The following ANO3 variants were observed in gnomAD, a reference collection of about 807,000 sequenced individuals.
The protein encoded by ANO3 is anoctamin 3, also known as anoctamin-3.
ANO3 carries 99 observed loss-of-function variants against 144.8 expected under a neutral mutation model. The ratio of observed to expected loss-of-function variants is 0.68; its 90% CI spans 0.58 to 0.81. ANO3 has a LOEUF of 0.81. Among genes scored for constraint, ANO3 ranks in the 30% least tolerant of loss-of-function variants. The probability of loss-of-function intolerance (pLI) is 0.00; values close to 1 mark genes in which losing one functional copy is unlikely to be tolerated. For synonymous variants in ANO3, 414 were observed against 392.6 expected (o/e 1.05, Z -0.64); for missense variants, 905 against 1,202.2 (o/e 0.75, Z 3.66).
chr11:26,251,700 G>T (rs1041097461), intron 1 of ANO3, among the ~76,000 whole-genome samples: 1 of 152,158 alleles, frequency 6.6e-6, no homozygotes, highest in Non-Finnish European at 1.5e-5. Context: ...TGGCTGGGGA[G>T]GCCTCAGGAA....
At chr11:26,399,629 A>G (rs1857098358) in intron 1 of ANO3, among the ~76,000 whole-genome samples, 1 of 151,876 alleles carries the variant, frequency 6.6e-6, no homozygotes, top group Non-Finnish European at 1.5e-5. Flanking sequence ...CTTTGGGTAA[A>G]TTATTTTCTC....
At chr11:26,497,088 C>T (rs768733595) in intron 4 of ANO3, among the ~76,000 whole-genome samples, 3 of 147,912 alleles carry the variant, frequency 2.0e-5, no homozygotes, top group Non-Finnish European at 4.5e-5. Flanking sequence ...ACACACAAAC[C>T]TATATATATT....
At chr11:26,266,951 G>A (rs1368981612) in intron 1 of ANO3, among the ~76,000 whole-genome samples, 1 of 151,246 alleles carries the variant, frequency 6.6e-6, no homozygotes, top group Non-Finnish European at 1.5e-5. Flanking sequence ...AATTAGCCAG[G>A]CGTGGTGGTG....
intron 1 of ANO3, among the ~76,000 whole-genome samples, chr11:26,284,018 TG>T (rs1422617742): frequency 3.3e-5 from 5 of 152,118 alleles, no homozygotes; most frequent in African/African-American, 9.7e-5. Context: ...GGAACTGTGC[TG>T]GGGCGGGTGT....
In ANO3 at chr11:26,531,283, C is replaced by A. The variant is rs1320614333; in HGVS notation, c.816C>A (p.Asp272Glu). 5 of 1,613,898 alleles carry A rather than the reference C, an allele frequency of 3.1e-6. No individual in the cohort carries two copies. The Admixed American group carries it at 8.3e-5, about 27-fold the overall frequency. The change falls in exon 8 of 27, where the codon GAC becomes GAA. Residue 272 changes from aspartate (D) to glutamate (E), a missense_variant. By Grantham distance (45) the Asp-to-Glu change is conservative. Around this residue, in one of 4 missense-constraint regions of ANO3, gnomAD observed 71 missense variants for 57.9 expected, o/e 1.23. Coordinates refer to ENST00000256737, the MANE Select transcript of ANO3 (RefSeq NM_031418.4). Reference sequence around the variant, plus strand: ...TTCTTGACAAGTCAGCTTTTCCAGACCTAGAGGAGTCAGACTGCTATACTG... The same window carrying A: ...TTCTTGACAAGTCAGCTTTTCCAGAACTAGAGGAGTCAGACTGCTATACTG... ...PMVLDKSAFP[D>E]LEESDCYTGP...
At chr11:26,245,018 T>TGTGTGCGTGC (rs151031559) in intron 1 of ANO3, among the ~76,000 whole-genome samples, 8 of 145,324 alleles carry the variant, frequency 5.5e-5, no homozygotes, top group African/African-American at 1.8e-4. Flanking sequence ...TGTGTGTGTG[T>TGTGTGCGTGC]GTGCATGCAT....
chr11:26,315,215 T>C (rs924435451), intron 1 of ANO3, among the ~76,000 whole-genome samples: 1 of 152,174 alleles, frequency 6.6e-6, no homozygotes, highest in Non-Finnish European at 1.5e-5. Context: ...TTATTTCCTA[T>C]CTAATTATCA....
intron 1 of ANO3, among the ~76,000 whole-genome samples, chr11:26,302,236 A>G (rs534035698): frequency 6.6e-6 from 1 of 152,098 alleles, no homozygotes; most frequent in Non-Finnish European, 1.5e-5. Context: ...GTGGCTCACG[A>G]CTGTAATCCC....
At chr11:26,442,196 A>G in intron 2 of ANO3, 84 bp downstream of exon 2, 1 of 1,382,702 alleles carries the variant, frequency 7.2e-7, no homozygotes, top group African/African-American at 1.4e-5. Flanking sequence ...TTTCCATTGG[A>G]CCAGTTTTAT....
intron 4 of ANO3, among the ~76,000 whole-genome samples, chr11:26,466,520 C>T (rs1859607696): frequency 6.6e-6 from 1 of 151,954 alleles, no homozygotes; most frequent in Non-Finnish European, 1.5e-5. Flanking sequence ...CTTCAACTCC[C>T]ATTCTTTCTC....
In ANO3 at chr11:26,657,814, A is replaced by C. The variant is rs992535215; in HGVS notation, c.2763+1333A>C. On this transcript the variant is annotated intron_variant, in intron 26 of 26. Transcript: ENST00000256737. ...AGAGAGCTAGCCATGAGATTGATCC[A>C]CGTTTAGAACATTTTTTCTGTCTTC... 3.9e-5 allele frequency among the ~76,000 whole-genome samples: 6 copies of C among 152,296 alleles called. No homozygotes were observed. The East Asian group carries it at 1.2e-3, about 29-fold the overall frequency.
At chr11:26,609,389 A>T (rs905290200) in intron 17 of ANO3, among the ~76,000 whole-genome samples, 4 of 151,434 alleles carry the variant, frequency 2.6e-5, no homozygotes, top group Admixed American at 6.6e-5. Context: ...CACATGCAGG[A>T]TTCACATATC....
At chr11:26,478,777 G>A (rs997842395) in intron 4 of ANO3, among the ~76,000 whole-genome samples, 5 of 152,162 alleles carry the variant, frequency 3.3e-5, no homozygotes, top group African/African-American at 1.2e-4. Context: ...CAGGCAACTA[G>A]CTGATTGGTT....
chr11:26,342,876 G>A (rs971120945), intron 1 of ANO3, among the ~76,000 whole-genome samples: 1 of 151,680 alleles, frequency 6.6e-6, no homozygotes, highest in African/African-American at 2.4e-5. Context: ...TGGCAAATAA[G>A]GATTGTATAT....
At position 26,217,822 on chromosome 11, in the gene ANO3, G is replaced by GGTT. The variant is rs112390207; in HGVS notation, c.154+28510_154+28512dup. ...AAATGTTTTAAATTAGTCAAAAACA[G>GGTT]GTTGTTGTTGTTGTTGTTGTGTTGT... On this transcript the variant is annotated intron_variant, in intron 1 of 27. Coordinates refer to the ANO3 transcript ENST00000672621. Among the ~76,000 whole-genome samples the GGTT allele has an allele frequency of 5.0e-4, 76 of 151,316 alleles. 1 individual carries two copies. Among genetic ancestry groups the GGTT allele is most frequent in the South Asian group, 3.3e-3 (16 of 4,800 alleles).
intron 4 of ANO3, among the ~76,000 whole-genome samples, chr11:26,479,481 A>G (rs1204891000): frequency 1.3e-5 from 2 of 152,142 alleles, no homozygotes; most frequent in South Asian, 2.1e-4. Context: ...CGGAAGGCAA[A>G]TGAGGAGCAA....
chr11:26,327,312 G>A (rs1343201636), upstream of ANO3, among the ~76,000 whole-genome samples: 1 of 152,152 alleles, frequency 6.6e-6, no homozygotes, highest in African/African-American at 2.4e-5. Flanking sequence ...AAGCATACAT[G>A]TATAATGCAT....
At chr11:26,453,199 A>G (rs1859017177) in intron 3 of ANO3, among the ~76,000 whole-genome samples, 5 of 152,194 alleles carry the variant, frequency 3.3e-5, no homozygotes, top group Non-Finnish European at 7.3e-5. Flanking sequence ...AGCTAACATC[A>G]TAATGACAGG....
chr11:26,278,288 C>T (rs529400643), intron 1 of ANO3, among the ~76,000 whole-genome samples: 1 of 152,252 alleles, frequency 6.6e-6, no homozygotes, highest in South Asian at 2.1e-4. Flanking sequence ...TCACACTTTT[C>T]CACCCACCTA....
Sources: allele counts gnomAD v4.1 joint callset (sites outside exome capture counted in the v4.1 genomes callset), GRCh38; gene constraint gnomAD v4.1.1; regional missense constraint gnomAD v4.1.1; transcripts MANE v1.5; gene names NCBI Gene and HGNC (gene_info 2026-07-23, HGNC 2026-07-21).